Variants in KCNH1 observed in about 807,000 individuals in gnomAD.
KCNH1 encodes the protein potassium voltage-gated channel subfamily H member 1.
In KCNH1, 27 loss-of-function variants were observed where a neutral mutation model predicts 69.2. The observed-to-expected ratio is 0.39, with a 90% CI of 0.29 to 0.54. The LOEUF is 0.54. KCNH1 is among the 20% of genes least tolerant of loss of function. KCNH1 has a pLI of 0.68. For synonymous variants in KCNH1, 456 were observed against 487.7 expected (o/e 0.93, Z 0.86); for missense variants, 798 against 1,261.6 (o/e 0.63, Z 5.57).
intron 1 of KCNH1, chr1:211,108,624 G>A (rs553970419): frequency 6.6e-6 from 1 of 152,268 alleles, no homozygotes. Flanking sequence ...AAGAAGACAG[G>A]GCCTGAGAGG....
At chr1:210,744,975 G>A (rs891280931) in intron 10 of KCNH1, among the ~76,000 whole-genome samples, 3 of 152,166 alleles carry the variant, frequency 2.0e-5, no homozygotes, top group Admixed American at 2.0e-4. Flanking sequence ...GGCCAAGGCG[G>A]GTGGATCACC....
chr1:210,937,090 T>C (rs1234787738), intron 6 of KCNH1, among the ~76,000 whole-genome samples: 1 of 152,178 alleles, frequency 6.6e-6, no homozygotes, highest in Non-Finnish European at 1.5e-5. Flanking sequence ...CTGCCACATT[T>C]GCCCTGCCAA....
chr1:210,838,561 G>A (rs537352159), intron 7 of KCNH1, among the ~76,000 whole-genome samples: 39 of 152,208 alleles, frequency 2.6e-4, no homozygotes, highest in African/African-American at 9.4e-4. Context: ...AGCAAAAGTT[G>A]ACAAATGGGG....
chr1:210,913,673 C>A (rs1356462993), intron 7 of KCNH1, among the ~76,000 whole-genome samples: 1 of 152,140 alleles, frequency 6.6e-6, no homozygotes, highest in Admixed American at 6.5e-5. Flanking sequence ...CTGTGGAGGA[C>A]TAATGTTTCC....
intron 10 of KCNH1, among the ~76,000 whole-genome samples, chr1:210,710,375 A>G (rs928786578): frequency 6.6e-6 from 1 of 152,038 alleles, no homozygotes; most frequent in African/African-American, 2.4e-5. Flanking sequence ...ATGTAGATAC[A>G]TACAGGGAAG....
In KCNH1 at chr1:211,094,240, A is replaced by G. The variant is rs372819106; in HGVS notation, c.311-3550T>C. On this transcript the variant is annotated intron_variant, in intron 3 of 10. Coordinates refer to ENST00000271751, the MANE Select transcript of KCNH1 (RefSeq NM_172362.3). ...CAACCTCACGTATACAGTTCACAAT[A>G]GGGTTCACGCTTCTGTGAGAATCTA... is the stretch of plus-strand genomic sequence containing the variant. 1.4e-3 allele frequency among the ~76,000 whole-genome samples: 211 copies of G among 152,250 alleles called. 1 individual carries two copies. Among genetic ancestry groups the G allele is most frequent in the African/African-American group, 4.6e-3 (191 of 41,544 alleles).
intron 7 of KCNH1, among the ~76,000 whole-genome samples, chr1:210,840,438 T>C (rs1574288670): frequency 2.0e-5 from 3 of 152,292 alleles, no homozygotes; most frequent in African/African-American, 7.2e-5. Flanking sequence ...GAGGAACAAC[T>C]GACTGGGGCT....
At chr1:210,751,893 G>A (rs2149043108) in intron 10 of KCNH1, among the ~76,000 whole-genome samples, 1 of 152,222 alleles carries the variant, frequency 6.6e-6, no homozygotes, top group African/African-American at 2.4e-5. Flanking sequence ...TAAAGGACAA[G>A]CAGAACACCA....
At chr1:211,117,580 G>A (rs142506486) in intron 1 of KCNH1, among the ~76,000 whole-genome samples, 10 of 152,276 alleles carry the variant, frequency 6.6e-5, no homozygotes, top group African/African-American at 2.4e-4. Flanking sequence ...GAGGAATCTA[G>A]TCAACAATGA....
At chr1:210,829,349 C>A (rs1223745710) in intron 7 of KCNH1, among the ~76,000 whole-genome samples, 1 of 152,118 alleles carries the variant, frequency 6.6e-6, no homozygotes, top group Non-Finnish European at 1.5e-5. Context: ...ATTACATTCC[C>A]AGCGCTATTT....
chr1:210,969,718 T>A (rs968217220), intron 6 of KCNH1, among the ~76,000 whole-genome samples: 3 of 152,174 alleles, frequency 2.0e-5, no homozygotes, highest in African/African-American at 7.2e-5. Flanking sequence ...ATATTGCTAA[T>A]CTTGCCTGTG....
At chr1:210,839,324 C>T (rs2102450956) in intron 7 of KCNH1, among the ~76,000 whole-genome samples, 1 of 152,226 alleles carries the variant, frequency 6.6e-6, no homozygotes. Flanking sequence ...AAACCAAATA[C>T]TACATGTTCT....
At chr1:210,931,926 A>G (rs1271750464) in intron 6 of KCNH1, among the ~76,000 whole-genome samples, 3 of 152,034 alleles carry the variant, frequency 2.0e-5, no homozygotes, top group African/African-American at 7.2e-5. Context: ...AGCCTCTTGA[A>G]GTAACCCAGA....
At chr1:210,720,537 T>G (rs112487188) in intron 10 of KCNH1, among the ~76,000 whole-genome samples, 4,584 of 152,284 alleles carry the variant, frequency 0.03, 222 homozygotes, top group African/African-American at 0.1. Flanking sequence ...GAATCTGTGC[T>G]GAAGACAAAG....
intron 6 of KCNH1, among the ~76,000 whole-genome samples, chr1:211,000,003 G>A (rs908119317): frequency 3.9e-5 from 6 of 152,120 alleles, no homozygotes; most frequent in African/African-American, 1.4e-4. Flanking sequence ...GGTATTGATG[G>A]GATGTATCTC....
At chr1:210,844,172 A>G (rs1220947170) in intron 7 of KCNH1, among the ~76,000 whole-genome samples, 1 of 152,218 alleles carries the variant, frequency 6.6e-6, no homozygotes, top group Non-Finnish European at 1.5e-5. Context: ...GGTGATAAAT[A>G]AGATAATGTA....
intron 10 of KCNH1, among the ~76,000 whole-genome samples, chr1:210,709,465 A>T (rs1681998894): frequency 6.6e-6 from 1 of 152,152 alleles, no homozygotes; most frequent in Non-Finnish European, 1.5e-5. Context: ...AGCCTCCAGA[A>T]CTGTGAGACA....
chr1:210,765,453 A>G, intron 10 of KCNH1, among the ~76,000 whole-genome samples: 1 of 152,238 alleles, frequency 6.6e-6, no homozygotes, highest in East Asian at 1.9e-4. Flanking sequence ...GCCAGGCTTG[A>G]GCTACAATTC....
At chr1:210,905,877 C>T (rs1306216376) in intron 7 of KCNH1, among the ~76,000 whole-genome samples, 1 of 152,160 alleles carries the variant, frequency 6.6e-6, no homozygotes, top group African/African-American at 2.4e-5. Context: ...GTATGTAAAA[C>T]ACTGTTTGCT....
Sources: gnomAD v4.1 joint callset for allele counts (sites outside exome capture counted in the v4.1 genomes callset) on GRCh38, gnomAD v4.1.1 for gene constraint, MANE v1.5 for transcripts, NCBI Gene and HGNC (gene_info 2026-07-23, HGNC 2026-07-21) for gene names.